The following ANGPTL1 variants were observed in gnomAD, a reference collection of about 807,000 sequenced individuals.
The protein encoded by ANGPTL1 is angiopoietin like 1.
ANGPTL1 carries 36 observed loss-of-function variants against 46.7 expected under a neutral mutation model. That is an observed-to-expected ratio of 0.77 (90% CI 0.59 to 1.02). The LOEUF (loss-of-function observed/expected upper bound fraction) is 1.02. Among genes scored for constraint, ANGPTL1 ranks in the 50% least tolerant of loss-of-function variants. ANGPTL1 has a pLI of 0.00. For synonymous variants in ANGPTL1, 221 were observed against 204.3 expected, an observed-to-expected ratio of 1.08 and a Z score of -0.69; for missense variants, 571 against 594.7, an observed-to-expected ratio of 0.96 and a Z score of 0.41.
At chr1:178,863,797 A>G (rs1486083742) in intron 3 of ANGPTL1, among the ~76,000 whole-genome samples, 1 of 152,236 alleles carries the variant, frequency 6.6e-6, no homozygotes, top group South Asian at 2.1e-4. Flanking sequence ...AAGGAAGAAT[A>G]TTAAAATGTA....
chr1:178,862,165 G>A (rs1380671998), intron 3 of ANGPTL1, among the ~76,000 whole-genome samples: 2 of 152,060 alleles, frequency 1.3e-5, no homozygotes, highest in Non-Finnish European at 2.9e-5. Context: ...GAGCCACCAT[G>A]CCCGGCGAGG....
rs1658594578 is a variant in ANGPTL1 at position 178,869,136 on chromosome 1, A to C, written c.-49T>G. 6.6e-6 allele frequency: 1 copy of C among 152,048 alleles called. No individual in the cohort carries two copies. The highest frequency in any genetic ancestry group is 6.6e-5 in the Admixed American group (1 of 15,256). The allele number at this position is 152,048 out of a possible 1,614,324, so 9.4% of individuals were successfully genotyped here. A position where few individuals can be genotyped will look rare whatever the true frequency, so the allele number is the denominator to read the frequency against. ...TACGTTTAAATTTAAGTCTTTACTT[A>C]GTTGTTTTTAGAAGAGAAAAAAAAG... On this transcript the variant is annotated 5_prime_UTR_variant, in exon 2 of 6. Coordinates refer to ENST00000234816, the MANE Select transcript of ANGPTL1 (RefSeq NM_004673.4).
chr1:178,866,350 A>G (rs1658409229), intron 2 of ANGPTL1, among the ~76,000 whole-genome samples: 1 of 152,210 alleles, frequency 6.6e-6, no homozygotes, highest in East Asian at 1.9e-4. Context: ...AATGTTCAAT[A>G]AAGTTAAAGA....
chr1:178,864,291 T>C (rs1050853899), intron 3 of ANGPTL1, among the ~76,000 whole-genome samples: 1 of 152,162 alleles, frequency 6.6e-6, no homozygotes, highest in Non-Finnish European at 1.5e-5. Context: ...TTTTTTATAA[T>C]AATGAACATT....
At chr1:178,861,187 T>C (rs1354368898) in intron 3 of ANGPTL1, among the ~76,000 whole-genome samples, 1 of 152,214 alleles carries the variant, frequency 6.6e-6, no homozygotes, top group Non-Finnish European at 1.5e-5. Context: ...AATGTACTAA[T>C]TAGTATAGTA....
intron 3 of ANGPTL1, among the ~76,000 whole-genome samples, chr1:178,858,590 A>G (rs1377851383): frequency 6.6e-6 from 1 of 152,184 alleles, no homozygotes; most frequent in Non-Finnish European, 1.5e-5. Flanking sequence ...AATTCTGTAC[A>G]TTGAATTTGA....
chr1:178,859,087 A>G (rs932024084), intron 3 of ANGPTL1, among the ~76,000 whole-genome samples: 10 of 152,128 alleles, frequency 6.6e-5, no homozygotes, highest in African/African-American at 2.2e-4. Context: ...CTGTAATAAT[A>G]TGAATTACTT....
At chr1:178,863,533 C>A (rs912774537) in intron 3 of ANGPTL1, among the ~76,000 whole-genome samples, 29 of 152,188 alleles carry the variant, frequency 1.9e-4, no homozygotes, top group African/African-American at 6.5e-4. Flanking sequence ...GCCTTGAGAT[C>A]TGCTAAATTG....
At chr1:178,863,919 T>C (rs143586702) in intron 3 of ANGPTL1, among the ~76,000 whole-genome samples, 4 of 152,326 alleles carry the variant, frequency 2.6e-5, no homozygotes, top group South Asian at 2.1e-4. Flanking sequence ...TTTATTGTTA[T>C]TGTTTAAAAT....
At position 178,868,476 on chromosome 1, in the gene ANGPTL1, A is replaced by C. The variant is rs182941317; in HGVS notation, c.-27+638T>G. On this transcript the variant is annotated intron_variant, in intron 2 of 5. Transcript: ENST00000234816. ...TGAAATAAACTACCAAAACAAGGAA[A>C]ATGCAGGAAGTAATATAAAACTCTA... Among the ~76,000 whole-genome samples, 6 of 152,132 alleles carry C rather than the reference A, an allele frequency of 3.9e-5. No individual in the cohort carries two copies. In the East Asian group the frequency reaches 1.2e-3, roughly 29 times the overall value.
Position 178,853,804 on chromosome 1 carries a change from A to T in ANGPTL1, c.824-17T>A. ...TGAATGGTCCTATAATTTAAATATC[A>T]TTTATTATCAGCAAACTTAATATGA... On this transcript the variant is annotated splice_polypyrimidine_tract_variant and intron_variant, in intron 3 of 5. Transcript: ENST00000234816. 1.3e-6 allele frequency: 2 copies of T among 1,526,040 alleles called. No homozygotes were observed. The highest frequency in any genetic ancestry group is 2.6e-5 in the South Asian group (2 of 77,014). The allele number at this position is 1,526,040 out of a possible 1,614,324, so 94.5% of individuals were successfully genotyped here.
rs2297687 is a variant in ANGPTL1 at position 178,851,192 on chromosome 1, G to A, written c.1413C>T (p.Ala471=). The A allele has an allele frequency of 7.5e-3, 12,160 of 1,613,794 alleles. 803 individuals are homozygous for A. The East Asian group carries it at 0.17, about 23-fold the overall frequency. The stretch of plus-strand genomic sequence containing the variant: ...AGGAGTATGACCCGCCTCTGTATTC[G>A]GCCCAGAAAATTCCATCTTGGTGCT... The part of the protein sequence containing the change: ...RSKHQDGIFW[A]EYRGGSYSLR... Residue 471 remains alanine, a synonymous_variant, in exon 6 of 6, where the codon GCC becomes GCT. Transcript: ENST00000234816.
rs147201688 is a variant in ANGPTL1 at position 178,865,734 on chromosome 1, G to A, written c.43C>T (p.Leu15=). 6.2e-7 allele frequency: 1 copy of A among 1,612,832 alleles called. No individual in the cohort carries two copies. The highest frequency in any genetic ancestry group is 8.5e-7 in the Non-Finnish European group (1 of 1,179,786). The part of the protein sequence containing the change: ...TWTLGVLFFL[L]VDTGHCRGGQ... ...CCTCTGCAATGTCCAGTGTCCACTA[G>A]TAGGAAGAATAGCACACCTAGGGTC... Residue 15 remains leucine (L), a synonymous_variant, in exon 3 of 6, where the codon CTA becomes TTA. Coordinates refer to ENST00000234816, the MANE Select transcript of ANGPTL1 (RefSeq NM_004673.4).
intron 3 of ANGPTL1, among the ~76,000 whole-genome samples, chr1:178,862,610 T>C (rs1328823584): frequency 1.8e-4 from 27 of 150,968 alleles, no homozygotes; most frequent in Non-Finnish European, 3.2e-4. Context: ...TATTTATTTA[T>C]TTATTTATTT....
At chr1:178,862,006 A>G (rs1323204127) in intron 3 of ANGPTL1, among the ~76,000 whole-genome samples, 2 of 151,906 alleles carry the variant, frequency 1.3e-5, no homozygotes, top group Admixed American at 6.6e-5. Context: ...CTGAATAGCT[A>G]GGATTACAGG....
chr1:178,850,180 G>C lies in ANGPTL1; in HGVS notation c.*949C>G, dbSNP rs943871164. 7 of 152,592 alleles carry C rather than the reference G, an allele frequency of 4.6e-5. No homozygotes were observed. The highest frequency in any genetic ancestry group is 2.1e-4 in the South Asian group (1 of 4,830). 9.5% of individuals were successfully genotyped at this position (152,592 alleles called of 1,614,324 possible). Reference sequence around the variant, plus strand: ...CCTTGAGTTTGTTTTAGTCCCACCTGTTCTGAGCATGCACTAATACTTGTA... The same window carrying C: ...CCTTGAGTTTGTTTTAGTCCCACCTCTTCTGAGCATGCACTAATACTTGTA... On this transcript the variant is annotated 3_prime_UTR_variant, in exon 6 of 6. Transcript: ENST00000234816.
chr1:178,856,398 T>TTTTTTTTTTTTTTTTG, intron 3 of ANGPTL1, among the ~76,000 whole-genome samples: 1 of 81,646 alleles, frequency 1.2e-5, no homozygotes, highest in Non-Finnish European at 2.2e-5. Context: ...TGGCTAATTT[T>TTTTTTTTTTTTTTTTG]TTTTTTTTTT....
intron 3 of ANGPTL1, among the ~76,000 whole-genome samples, chr1:178,861,921 G>A (rs1658043108): frequency 6.6e-6 from 1 of 152,136 alleles, no homozygotes; most frequent in African/African-American, 2.4e-5. Context: ...TGCCCAGGCT[G>A]GAGTGCAGTG....
chr1:178,856,337 C>T (rs886396633), intron 3 of ANGPTL1, among the ~76,000 whole-genome samples: 2 of 146,574 alleles, frequency 1.4e-5, no homozygotes, highest in Non-Finnish European at 3.0e-5. Context: ...AAGTGATCCT[C>T]CCACCTCAGC....
Sources: gnomAD v4.1 joint callset for allele counts (sites outside exome capture counted in the v4.1 genomes callset) on GRCh38, gnomAD v4.1.1 for gene constraint, MANE v1.5 for transcripts, NCBI Gene and HGNC (gene_info 2026-07-23, HGNC 2026-07-21) for gene names.